Variants in SH3GL2 observed in about 807,000 individuals in gnomAD.
SH3GL2 encodes the protein SH3 domain containing GRB2 like 2, endophilin A1.
SH3GL2 carries 24 observed loss-of-function variants against 46.0 expected under a neutral mutation model. That is an observed-to-expected ratio of 0.52 (90% CI 0.38 to 0.73). SH3GL2 has a LOEUF of 0.73. SH3GL2 is among the 30% of genes least tolerant of loss of function. The probability of loss-of-function intolerance (pLI) is 0.00; values close to 1 mark genes in which losing one functional copy is unlikely to be tolerated. For synonymous variants in SH3GL2, 196 were observed against 147.1 expected (o/e 1.33, Z -2.40); for missense variants, 413 against 424.2 (o/e 0.97, Z 0.23).
At position 17,675,153 on chromosome 9, in the gene SH3GL2, C is replaced by T. The variant is rs187213356; in HGVS notation, c.46-71913C>T. On this transcript the variant is annotated intron_variant, in intron 1 of 8. Transcript: ENST00000380607. ...TAGTCATCTCACATGCTTTAAACTT[C>T]GTATGTCTTATTTCCTTCCTTAGTA... 3.2e-4 allele frequency among the ~76,000 whole-genome samples: 48 copies of T among 152,254 alleles called. No homozygotes were observed. The East Asian group carries it at 7.9e-3, about 25-fold the overall frequency.
At position 17,579,208 on chromosome 9, in the gene SH3GL2, C is replaced by T. The variant is rs370079974; in HGVS notation, c.-35C>T. ...TCCAGTCCCCCTCCGCCTCCTCCCT[C>T]CCGCACAGCAGCCGCCAGCGCGGCC... On this transcript the variant is annotated 5_prime_UTR_variant, in exon 1 of 9. Transcript: ENST00000380607. 51 of 1,515,258 alleles carry T rather than the reference C, an allele frequency of 3.4e-5. No homozygotes were observed. The African/African-American group carries it at 5.8e-4, about 17-fold the overall frequency. The allele number at this position is 1,515,258 out of a possible 1,614,324, so 93.9% of individuals were successfully genotyped here.
At chr9:17,763,709 T>C (rs1823242383) in intron 3 of SH3GL2, among the ~76,000 whole-genome samples, 1 of 152,190 alleles carries the variant, frequency 6.6e-6, no homozygotes, top group Admixed American at 6.5e-5. Context: ...TCTAGAAAAC[T>C]AATCCAGTAC....
intron 1 of SH3GL2, among the ~76,000 whole-genome samples, chr9:17,635,547 C>T (rs538167676): frequency 1.4e-4 from 22 of 152,234 alleles, no homozygotes; most frequent in Non-Finnish European, 2.8e-4. Flanking sequence ...TGTAAGAGCT[C>T]AATTTAATTC....
At chr9:17,726,368 G>GTA (rs1822019736) in intron 1 of SH3GL2, among the ~76,000 whole-genome samples, 1 of 152,120 alleles carries the variant, frequency 6.6e-6, no homozygotes. Flanking sequence ...CTACTTCATA[G>GTA]TAAGTACTCA....
intron 1 of SH3GL2, among the ~76,000 whole-genome samples, chr9:17,730,882 G>C (rs1822160442): frequency 6.6e-6 from 1 of 152,090 alleles, no homozygotes; most frequent in Non-Finnish European, 1.5e-5. Context: ...TCAATATGCT[G>C]TGTAAGGAGA....
At chr9:17,791,017 C>G (rs10963270) in intron 6 of SH3GL2, among the ~76,000 whole-genome samples, 24,331 of 152,104 alleles carry the variant, frequency 0.16, 2,508 homozygotes, top group Middle Eastern at 0.28. Context: ...GGTACTGATA[C>G]GCATGATTCT....
chr9:17,708,625 A>G (rs1006780069), intron 1 of SH3GL2, among the ~76,000 whole-genome samples: 2 of 151,996 alleles, frequency 1.3e-5, no homozygotes, highest in Non-Finnish European at 2.9e-5. Context: ...AGGTGTCTCT[A>G]GTGGCTTTAA....
chr9:17,703,517 G>T (rs1162866836), intron 1 of SH3GL2, among the ~76,000 whole-genome samples: 1 of 151,886 alleles, frequency 6.6e-6, no homozygotes, highest in South Asian at 2.1e-4. Context: ...CATCAGTCCA[G>T]TATCCTTGAT....
chr9:17,766,693 G>A (rs1823327494), intron 3 of SH3GL2, among the ~76,000 whole-genome samples: 2 of 151,640 alleles, frequency 1.3e-5, no homozygotes, highest in Non-Finnish European at 2.9e-5. Flanking sequence ...TTCATACTCT[G>A]GATTTCGGTC....
chr9:17,608,229 G>A (rs181166279), intron 1 of SH3GL2, among the ~76,000 whole-genome samples: 1 of 140,862 alleles, frequency 7.1e-6, no homozygotes, highest in East Asian at 2.2e-4. Flanking sequence ...CTCACTGCAA[G>A]CTCTGCCTCC....
chr9:17,621,100 C>T (rs1819129001), intron 1 of SH3GL2, among the ~76,000 whole-genome samples: 1 of 152,048 alleles, frequency 6.6e-6, no homozygotes, highest in Non-Finnish European at 1.5e-5. Context: ...CATATTAATG[C>T]CCTTTTGAAG....
At chr9:17,771,351 G>A (rs1348072414) in intron 3 of SH3GL2, among the ~76,000 whole-genome samples, 2 of 152,208 alleles carry the variant, frequency 1.3e-5, no homozygotes, top group Non-Finnish European at 2.9e-5. Flanking sequence ...CACAGTGCCT[G>A]ACACTTAGTA....
At chr9:17,657,929 T>G (rs1432543317) in intron 1 of SH3GL2, among the ~76,000 whole-genome samples, 1 of 152,188 alleles carries the variant, frequency 6.6e-6, no homozygotes, top group African/African-American at 2.4e-5. Flanking sequence ...TGTGGTACCC[T>G]GGACATTAAG....
In SH3GL2 at chr9:17,786,426, G is replaced by A. The variant is rs368973881; in HGVS notation, c.233G>A (p.Arg78His). 3.1e-6 allele frequency: 5 copies of A among 1,613,192 alleles called. No individual in the cohort carries two copies. Among genetic ancestry groups the A allele is most frequent in the Non-Finnish European group, 4.2e-6 (5 of 1,179,578 alleles). Residue 78 changes from arginine to histidine, a missense_variant, in exon 4 of 9, where the codon CGT (arginine) becomes CAT (histidine). Around this residue, in one of 3 missense-constraint regions of SH3GL2, gnomAD observed 160 missense variants for 192.3 expected, o/e 0.83. Transcript: ENST00000380607. ...LSMINTMSKI[R>H]GQEKGPGYPQ... is the part of the protein sequence containing the mutation. Reference sequence around the variant, plus strand: ...ATGATCAACACCATGTCAAAAATCCGTGGCCAGGAGAAGGGGCCAGGCTAT... The same window carrying A: ...ATGATCAACACCATGTCAAAAATCCATGGCCAGGAGAAGGGGCCAGGCTAT...
intron 1 of SH3GL2, among the ~76,000 whole-genome samples, chr9:17,649,454 G>A (rs1264069794): frequency 6.6e-6 from 1 of 152,076 alleles, no homozygotes; most frequent in Non-Finnish European, 1.5e-5. Flanking sequence ...ATTCTGATTT[G>A]GTTGGATCTC....
chr9:17,777,516 A>G lies in SH3GL2; in HGVS notation c.188-8865A>G, dbSNP rs528657920. ...TTGATCTATGTCAGCTCAGGCTGCC[A>G]TAACAAAATATCATAAATAATAGAA... On this transcript the variant is annotated intron_variant, in intron 3 of 8. Coordinates refer to ENST00000380607, the MANE Select transcript of SH3GL2 (RefSeq NM_003026.5). Among the ~76,000 whole-genome samples, 13 of 152,298 alleles carry G rather than the reference A, an allele frequency of 8.5e-5. No homozygotes were observed. The East Asian group carries it at 2.5e-3, about 29-fold the overall frequency.
At chr9:17,634,414 G>T (rs1350374222) in intron 1 of SH3GL2, among the ~76,000 whole-genome samples, 4 of 152,178 alleles carry the variant, frequency 2.6e-5, no homozygotes, top group African/African-American at 9.7e-5. Flanking sequence ...CTCTGATGAT[G>T]AAGTAAAATA....
chr9:17,618,560 T>C (rs1819058331), intron 1 of SH3GL2, among the ~76,000 whole-genome samples: 1 of 152,182 alleles, frequency 6.6e-6, no homozygotes, highest in African/African-American at 2.4e-5. Context: ...TTGCCTGTGT[T>C]GATGTAAAGG....
Position 17,789,907 on chromosome 9 carries a change from G to A in SH3GL2, c.624+357G>A, listed in dbSNP as rs145381240. On this transcript the variant is annotated intron_variant, in intron 6 of 8. Transcript: ENST00000380607. ...GGGTACTTGAGGTATGGTTTCTACT[G>A]AGCACATATCAATTTTGCACCATCA... 309 of 319,344 alleles carry A rather than the reference G, an allele frequency of 9.7e-4. 2 individuals are homozygous for A. Among genetic ancestry groups the A allele is most frequent in the African/African-American group, 5.8e-3 (258 of 44,544 alleles). 19.8% of individuals were successfully genotyped at this position (319,344 alleles called of 1,614,324 possible). A position where few individuals can be genotyped will look rare whatever the true frequency, so the allele number is the denominator to read the frequency against.
Sources: gnomAD v4.1 joint callset for allele counts (sites outside exome capture counted in the v4.1 genomes callset) on GRCh38, gnomAD v4.1.1 for gene constraint, gnomAD v4.1.1 regional missense constraint, MANE v1.5 for transcripts, NCBI Gene and HGNC (gene_info 2026-07-23, HGNC 2026-07-21) for gene names.